The following OR5V1 variants were observed in gnomAD, a reference collection of about 807,000 sequenced individuals.
OR5V1 encodes the protein olfactory receptor 5V1.
For missense variants in OR5V1, 365 were observed against 371.5 expected, an observed-to-expected ratio of 0.98 and a Z score of 0.14; for synonymous variants, 134 against 143.2, an observed-to-expected ratio of 0.94 and a Z score of 0.46.
intron 1 of OR5V1, among the ~76,000 whole-genome samples, chr6:29,364,286 A>G (rs1778734127): frequency 6.6e-6 from 1 of 152,152 alleles, no homozygotes; most frequent in African/African-American, 2.4e-5. Context: ...TTCTCAAGGA[A>G]ATAAGAGAGG....
chr6:29,357,499 A>T (rs972967600), intron 1 of OR5V1, among the ~76,000 whole-genome samples: 1 of 152,216 alleles, frequency 6.6e-6, no homozygotes, highest in Non-Finnish European at 1.5e-5. Flanking sequence ...AATATAACCT[A>T]CGTTCATACA....
chr6:29,358,220 A>G (rs754671827), intron 1 of OR5V1, among the ~76,000 whole-genome samples: 1 of 152,156 alleles, frequency 6.6e-6, no homozygotes, highest in Non-Finnish European at 1.5e-5. Context: ...CTTTTTCCCT[A>G]TTCCAAATCT....
intron 1 of OR5V1, among the ~76,000 whole-genome samples, chr6:29,367,843 C>T (rs1778927815): frequency 6.6e-6 from 1 of 152,128 alleles, no homozygotes; most frequent in African/African-American, 2.4e-5. Flanking sequence ...AAAATTACTG[C>T]TTTTCCAAGC....
intron 1 of OR5V1, among the ~76,000 whole-genome samples, chr6:29,356,999 G>T (rs1219631913): frequency 6.6e-6 from 1 of 151,896 alleles, no homozygotes; most frequent in African/African-American, 2.4e-5. Context: ...GTTCATTTTT[G>T]ATATGATAAA....
intron 1 of OR5V1, among the ~76,000 whole-genome samples, chr6:29,366,865 A>C (rs1374961176): frequency 6.6e-6 from 1 of 152,002 alleles, no homozygotes; most frequent in Non-Finnish European, 1.5e-5. Context: ...TCAGCAGCCC[A>C]CCTCCCTTCT....
At chr6:29,362,732 G>A (rs1465344888) in intron 1 of OR5V1, among the ~76,000 whole-genome samples, 1 of 152,126 alleles carries the variant, frequency 6.6e-6, no homozygotes, top group African/African-American at 2.4e-5. Flanking sequence ...GAGGAATAAT[G>A]AAGTTATTTG....
chr6:29,365,873 T>C (rs1039046086), intron 1 of OR5V1, among the ~76,000 whole-genome samples: 2 of 152,208 alleles, frequency 1.3e-5, no homozygotes, highest in Admixed American at 1.3e-4. Context: ...ATTGTGGCAT[T>C]ATTTAAAGTA....
chr6:29,367,467 G>A (rs1196844660), intron 1 of OR5V1, among the ~76,000 whole-genome samples: 2 of 152,110 alleles, frequency 1.3e-5, no homozygotes, highest in African/African-American at 2.4e-5. Context: ...TGGAATATAA[G>A]GCAGTATAGC....
rs533034350 is a variant in OR5V1 at position 29,355,521 on chromosome 6, G to A, written c.675C>T (p.Ile225=). 19 of 1,613,942 alleles carry A rather than the reference G, an allele frequency of 1.2e-5. 1 individual carries two copies. In the South Asian group the frequency reaches 2.0e-4, roughly 17 times the overall value. The change falls in exon 2 of 2, where the codon ATC becomes ATT. Residue 225 remains isoleucine (I), a synonymous_variant. Coordinates refer to ENST00000641768, the MANE Select transcript of OR5V1 (RefSeq NM_030876.6). The stretch of plus-strand genomic sequence containing the variant: ...TTCCCTCTGAGGACTGGATCCTCAA[G>A]ATGGTGGAGATTATGCAAATGTAGG... ...VLSYICIIST[I]LRIQSSEGRR...
intron 1 of OR5V1, among the ~76,000 whole-genome samples, chr6:29,363,662 C>T (rs1195182248): frequency 2.6e-5 from 4 of 152,062 alleles, no homozygotes; most frequent in African/African-American, 9.7e-5. Flanking sequence ...AATCAATAAA[C>T]ATAATCTATC....
Position 29,366,343 on chromosome 6 carries a change from A to G in OR5V1, c.-83+2289T>C, listed in dbSNP as rs528403455. Among the ~76,000 whole-genome samples, 180 of 151,262 alleles carry G rather than the reference A, an allele frequency of 1.2e-3. 1 individual carries two copies. Among genetic ancestry groups the G allele is most frequent in the Non-Finnish European group, 2.0e-3 (135 of 67,628 alleles). On this transcript the variant is annotated intron_variant, in intron 1 of 1. Coordinates refer to ENST00000641768, the MANE Select transcript of OR5V1 (RefSeq NM_030876.6). ...AGTATATTAAAAAAAAAAAAAAAAAAAGGAAATCCAGGGGGAGATCATGTG... is the reference window on the plus strand; with the variant it reads ...AGTATATTAAAAAAAAAAAAAAAAAGAGGAAATCCAGGGGGAGATCATGTG...
chr6:29,356,270 A>T lies in OR5V1; in HGVS notation c.-75T>A. ...ATAAAAATGAATCATATGCTGCAAT[A>T]GCATGACCTGAAAAATAAGGGAAAA... On this transcript the variant is annotated 5_prime_UTR_variant, in exon 2 of 2. Coordinates refer to ENST00000641768, the MANE Select transcript of OR5V1 (RefSeq NM_030876.6). 2.7e-6 allele frequency: 4 copies of T among 1,468,226 alleles called. No individual in the cohort carries two copies. The highest frequency in any genetic ancestry group is 3.6e-6 in the Non-Finnish European group (4 of 1,096,948). The allele number at this position is 1,468,226 out of a possible 1,614,324, so 90.9% of individuals were successfully genotyped here. A position where few individuals can be genotyped will look rare whatever the true frequency, so the allele number is the denominator to read the frequency against.
intron 1 of OR5V1, among the ~76,000 whole-genome samples, chr6:29,366,248 C>A (rs1025954097): frequency 1.3e-5 from 2 of 150,386 alleles, no homozygotes; most frequent in African/African-American, 2.4e-5. Context: ...TGCAGCAAAC[C>A]ACCATGGCAC....
chr6:29,365,331 A>G (rs971858524), intron 1 of OR5V1, among the ~76,000 whole-genome samples: 1 of 119,776 alleles, frequency 8.3e-6, no homozygotes, highest in Non-Finnish European at 1.7e-5. Flanking sequence ...TTCTGCATAG[A>G]AAAAAAAAAA....
intron 1 of OR5V1, among the ~76,000 whole-genome samples, chr6:29,357,656 C>T (rs4713210): frequency 0.083 from 12,615 of 152,116 alleles, 648 homozygotes; most frequent in Admixed American, 0.11. Context: ...TTTGAACAAT[C>T]AATTTCTAGT....
intron 1 of OR5V1, among the ~76,000 whole-genome samples, chr6:29,366,323 A>AT (rs1037887372): frequency 1.9e-4 from 16 of 85,204 alleles, no homozygotes; most frequent in South Asian, 1.1e-3. Flanking sequence ...AGTAAAGTAT[A>AT]TTAAAAAAAA....
At position 29,355,772 on chromosome 6, in the gene OR5V1, T is replaced by C; in HGVS notation, c.424A>G (p.Asn142Asp). Residue 142 changes from asparagine (N) to aspartate (D), a missense_variant, in exon 2 of 2, where the codon AAT becomes GAT. By Grantham distance (23) the Asn-to-Asp change is conservative (BLOSUM62 1). Coordinates refer to ENST00000641768, the MANE Select transcript of OR5V1 (RefSeq NM_030876.6). Reference protein sequence around the residue: ...YSVILSKVLCNQLAASCWAAG... With the variant: ...YSVILSKVLCDQLAASCWAAG... ...GCCCAGCATGAGGCTGCTAATTGAT[T>C]GCATAGAACCTTGCTCAGAATAACT... 2 of 1,614,078 alleles carry C rather than the reference T, an allele frequency of 1.2e-6. No individual in the cohort carries two copies. Among genetic ancestry groups the C allele is most frequent in the Non-Finnish European group, 1.7e-6 (2 of 1,179,964 alleles).
chr6:29,366,343 A>AG (rs1422200809), intron 1 of OR5V1, among the ~76,000 whole-genome samples: 3 of 151,144 alleles, frequency 2.0e-5, no homozygotes, highest in Non-Finnish European at 3.0e-5. Flanking sequence ...AAAAAAAAAA[A>AG]AGGAAATCCA....
At chr6:29,363,249 G>A (rs866120791) in intron 1 of OR5V1, among the ~76,000 whole-genome samples, 5 of 152,118 alleles carry the variant, frequency 3.3e-5, no homozygotes, top group Non-Finnish European at 5.9e-5. Context: ...CCTAAACCAG[G>A]AAGAAGTCGA....
Sources: allele counts gnomAD v4.1 joint callset (sites outside exome capture counted in the v4.1 genomes callset), GRCh38; gene constraint gnomAD v4.1.1; transcripts MANE v1.5; gene names NCBI Gene and HGNC (gene_info 2026-07-23, HGNC 2026-07-21).